The following UNC5D variants were observed in gnomAD, a reference collection of about 807,000 sequenced individuals.
UNC5D encodes unc-5 netrin receptor D.
Under a neutral mutation model 105.4 loss-of-function variants are expected in UNC5D, and 39 were observed. The ratio of observed to expected loss-of-function variants is 0.37; its 90% confidence interval spans 0.29 to 0.48. The LOEUF (loss-of-function observed/expected upper bound fraction) is 0.48, where lower values mean the gene tolerates loss of function less well. Among genes scored for constraint, UNC5D ranks in the 20% least tolerant of loss-of-function variants. The pLI is 0.98. For missense variants in UNC5D, 991 were observed against 1,202.4 expected (o/e 0.82, Z 2.60); for synonymous variants, 452 against 450.4 (o/e 1.00, Z -0.04).
At chr8:35,558,682 A>C (rs1423397457) in intron 2 of UNC5D, among the ~76,000 whole-genome samples, 1 of 152,130 alleles carries the variant, frequency 6.6e-6, no homozygotes, top group Admixed American at 6.5e-5. Context: ...TCTTGAATAT[A>C]AGAGAATATT....
rs556205180 is a variant in UNC5D, at chr8:35,353,810, C to G, written c.103+117923C>G. 1.1e-4 allele frequency among the ~76,000 whole-genome samples: 17 copies of G among 152,202 alleles called. No homozygotes were observed. The East Asian group carries it at 2.3e-3, about 21-fold the overall frequency. On this transcript the variant is annotated intron_variant, in intron 1 of 16. Coordinates refer to ENST00000404895, the MANE Select transcript of UNC5D (RefSeq NM_080872.4). ...TAGAAAAGGGGACAGTTACACATCT[C>G]TGCACATACACGTGTATAAAATTTA...
intron 1 of UNC5D, among the ~76,000 whole-genome samples, chr8:35,420,487 T>A (rs537240701): frequency 4.6e-5 from 7 of 152,180 alleles, no homozygotes; most frequent in Admixed American, 2.6e-4. Context: ...TGTCTTGAAG[T>A]AAGCTCTGAA....
At chr8:35,543,313 A>G (rs1403884622) in intron 1 of UNC5D, among the ~76,000 whole-genome samples, 1 of 152,232 alleles carries the variant, frequency 6.6e-6, no homozygotes, top group Non-Finnish European at 1.5e-5. Context: ...AAGTATACAA[A>G]TAATTTAGAA....
chr8:35,352,553 G>T (rs1209100281), intron 1 of UNC5D, among the ~76,000 whole-genome samples: 1 of 152,054 alleles, frequency 6.6e-6, no homozygotes, highest in African/African-American at 2.4e-5. Context: ...TCATTAATAA[G>T]GTCTTAGAAG....
At position 35,414,977 on chromosome 8, in the gene UNC5D, A is replaced by G. The variant is rs1805439048; in HGVS notation, c.104-134315A>G. Among the ~76,000 whole-genome samples the G allele has an allele frequency of 2.6e-5, 4 of 152,210 alleles. No individual in the cohort carries two copies. The South Asian group carries it at 8.3e-4, about 32-fold the overall frequency. The stretch of plus-strand genomic sequence containing the variant: ...TCACAATGCTTAGTGGAACTCAACT[A>G]GGAGTGTGCCAAATTATCCAGGGAA... On this transcript the variant is annotated intron_variant, in intron 1 of 16. Transcript: ENST00000404895.
intron 1 of UNC5D, among the ~76,000 whole-genome samples, chr8:35,445,933 G>T (rs1230071285): frequency 6.6e-6 from 1 of 152,050 alleles, no homozygotes. Context: ...CCATTATGAT[G>T]ATTATAATTT....
At chr8:35,288,423 A>C (rs1222247570) in intron 1 of UNC5D, among the ~76,000 whole-genome samples, 1 of 152,164 alleles carries the variant, frequency 6.6e-6, no homozygotes, top group Non-Finnish European at 1.5e-5. Flanking sequence ...AACAAAAGCT[A>C]AGGGAGTTTA....
chr8:35,299,493 A>G (rs558463318), intron 1 of UNC5D, among the ~76,000 whole-genome samples: 1 of 152,094 alleles, frequency 6.6e-6, no homozygotes, highest in Non-Finnish European at 1.5e-5. Context: ...TTCCCTCTTG[A>G]TGATTTCCAT....
At chr8:35,459,819 T>C (rs1283361899) in intron 1 of UNC5D, among the ~76,000 whole-genome samples, 2 of 152,196 alleles carry the variant, frequency 1.3e-5, no homozygotes, top group African/African-American at 4.8e-5. Flanking sequence ...ATTTCTAACA[T>C]ATTGTCGCAT....
chr8:35,785,397 T>C (rs1286363725), intron 16 of UNC5D, among the ~76,000 whole-genome samples: 7 of 152,206 alleles, frequency 4.6e-5, no homozygotes, highest in Non-Finnish European at 8.8e-5. Context: ...TCTTGCTCTG[T>C]CGCCCAGGTT....
chr8:35,462,197 C>A (rs1808943238), intron 1 of UNC5D, among the ~76,000 whole-genome samples: 1 of 152,110 alleles, frequency 6.6e-6, no homozygotes, highest in Non-Finnish European at 1.5e-5. Flanking sequence ...CTAAATCTAG[C>A]AAATTTAGCA....
rs149770471 is a variant in UNC5D, at chr8:35,264,105, G to A, written c.103+28218G>A. On this transcript the variant is annotated intron_variant, in intron 1 of 16. Coordinates refer to ENST00000404895, the MANE Select transcript of UNC5D (RefSeq NM_080872.4). ...ATAATCAAATAAGGTTTTGTGATTTGTAAGATAAAGTAGCATTTTGGAGAG... is the reference window on the plus strand; with the variant it reads ...ATAATCAAATAAGGTTTTGTGATTTATAAGATAAAGTAGCATTTTGGAGAG... Among the ~76,000 whole-genome samples, 234 of 152,298 alleles carry A rather than the reference G, an allele frequency of 1.5e-3. 4 individuals are homozygous for A. Among genetic ancestry groups the A allele is most frequent in the African/African-American group, 5.6e-3 (231 of 41,578 alleles).
At chr8:35,309,283 C>T (rs976388843) in intron 1 of UNC5D, among the ~76,000 whole-genome samples, 5 of 152,166 alleles carry the variant, frequency 3.3e-5, no homozygotes, top group African/African-American at 4.8e-5. Context: ...ACAGAAGGCA[C>T]TGCAGTGATT....
intron 1 of UNC5D, among the ~76,000 whole-genome samples, chr8:35,253,028 C>G (rs748735365): frequency 3.9e-5 from 6 of 151,930 alleles, no homozygotes; most frequent in Non-Finnish European, 8.8e-5. Flanking sequence ...CTGTAAAGTA[C>G]CTACTCATGG....
intron 1 of UNC5D, among the ~76,000 whole-genome samples, chr8:35,389,759 GTC>G: frequency 7.9e-6 from 1 of 126,656 alleles, no homozygotes; most frequent in South Asian, 2.6e-4. Context: ...AAAAAAAAAA[GTC>G]TCGTGGGGCA....
At chr8:35,765,657 C>T (rs1394146441) in intron 14 of UNC5D, among the ~76,000 whole-genome samples, 1 of 152,096 alleles carries the variant, frequency 6.6e-6, no homozygotes, top group African/African-American at 2.4e-5. Context: ...GCAAGGTATC[C>T]AAACAAGTGT....
At chr8:35,339,985 C>A (rs1811343644) in intron 1 of UNC5D, among the ~76,000 whole-genome samples, 1 of 152,168 alleles carries the variant, frequency 6.6e-6, no homozygotes, top group African/African-American at 2.4e-5. Context: ...TTGGTTTACA[C>A]ACGTCTCCTT....
chr8:35,353,266 CAG>C (rs1812368914), intron 1 of UNC5D, among the ~76,000 whole-genome samples: 1 of 152,158 alleles, frequency 6.6e-6, no homozygotes, highest in African/African-American at 2.4e-5. Flanking sequence ...CAAGCATTCA[CAG>C]AGTCATGAAT....
intron 3 of UNC5D, among the ~76,000 whole-genome samples, chr8:35,575,112 G>A (rs1031904817): frequency 2.0e-5 from 3 of 152,062 alleles, no homozygotes; most frequent in African/African-American, 4.8e-5. Context: ...TCAAAGCATC[G>A]ATTTAGTACT....
Sources: gnomAD v4.1 joint callset for allele counts (sites outside exome capture counted in the v4.1 genomes callset) on GRCh38, gnomAD v4.1.1 for gene constraint, MANE v1.5 for transcripts, NCBI Gene and HGNC (gene_info 2026-07-23, HGNC 2026-07-21) for gene names.